SUPT3H: variants seen among roughly 807,000 people sequenced by gnomAD.
The protein encoded by SUPT3H is transcription initiation protein SPT3 homolog.
Under a neutral mutation model 44.3 loss-of-function variants are expected in SUPT3H, and 44 were observed. The observed-to-expected ratio is 0.99, with a 90% CI of 0.78 to 1.28. The LOEUF (loss-of-function observed/expected upper bound fraction) is 1.28. Among genes scored for constraint, SUPT3H ranks in the 50% most tolerant of loss-of-function variants. The probability of loss-of-function intolerance (pLI) is 0.00; values close to 1 mark genes in which losing one functional copy is unlikely to be tolerated. For synonymous variants in SUPT3H, 124 were observed against 125.6 expected (o/e 0.99, Z 0.09); for missense variants, 380 against 387.1 (o/e 0.98, Z 0.15).
chr6:45,063,688 C>A, intron 3 of SUPT3H, among the ~76,000 whole-genome samples: 1 of 40,428 alleles, frequency 2.5e-5, no homozygotes. Flanking sequence ...CTGATGTGAT[C>A]AACTGGAAGA....
rs150449516 is a variant in SUPT3H, at chr6:45,131,598, T to C, written c.102-25592A>G. Among the ~76,000 whole-genome samples, 77 of 152,324 alleles carry C rather than the reference T, an allele frequency of 5.1e-4. 1 individual carries two copies. In the East Asian group the frequency reaches 0.015, roughly 29 times the overall value. On this transcript the variant is annotated intron_variant, in intron 2 of 10. Coordinates refer to ENST00000371459, the MANE Select transcript of SUPT3H (RefSeq NM_003599.4). ...AGCCATTAAAGTCAAACTGTTACCA[T>C]ATAAGCCAAAGCCCTCTACCTTGCA...
At chr6:45,107,736 T>C (rs956340897) in intron 2 of SUPT3H, among the ~76,000 whole-genome samples, 6 of 152,154 alleles carry the variant, frequency 3.9e-5, no homozygotes, top group African/African-American at 9.7e-5. Context: ...TCAAGGACCA[T>C]AAATTCAAAA....
chr6:44,923,283 T>G (rs1324949970), intron 10 of SUPT3H, among the ~76,000 whole-genome samples: 1 of 152,114 alleles, frequency 6.6e-6, no homozygotes, highest in Non-Finnish European at 1.5e-5. Context: ...TGTCCCCCAT[T>G]AGAGAAAAGT....
At chr6:45,269,828 G>A (rs1272645099) in intron 2 of SUPT3H, among the ~76,000 whole-genome samples, 1 of 152,128 alleles carries the variant, frequency 6.6e-6, no homozygotes, top group Non-Finnish European at 1.5e-5. Context: ...CCATTCAACA[G>A]TTTTTAGTAT....
chr6:45,226,466 G>T (rs1766956197), intron 2 of SUPT3H, among the ~76,000 whole-genome samples: 2 of 152,124 alleles, frequency 1.3e-5, no homozygotes, highest in Admixed American at 1.3e-4. Context: ...GCTTTGGGAG[G>T]CCGAGGTGGG....
chr6:44,850,672 T>G (rs182094399), intron 10 of SUPT3H, among the ~76,000 whole-genome samples: 1 of 152,232 alleles, frequency 6.6e-6, no homozygotes, highest in East Asian at 1.9e-4. Context: ...TGAACTTTCT[T>G]TTTTCAATTA....
intron 2 of SUPT3H, among the ~76,000 whole-genome samples, chr6:45,251,608 G>A (rs1704258071): frequency 6.6e-6 from 1 of 152,034 alleles, no homozygotes; most frequent in Non-Finnish European, 1.5e-5. Context: ...TAAATGAAAA[G>A]ATAGGTATAA....
chr6:45,128,412 G>A (rs1228590820), intron 2 of SUPT3H, among the ~76,000 whole-genome samples: 1 of 146,968 alleles, frequency 6.8e-6, no homozygotes, highest in East Asian at 2.1e-4. Flanking sequence ...GGCTGAGGCA[G>A]GGGAATCGCT....
intron 2 of SUPT3H, among the ~76,000 whole-genome samples, chr6:45,121,655 G>T (rs1801685244): frequency 6.6e-6 from 1 of 151,840 alleles, no homozygotes; most frequent in Admixed American, 6.6e-5. Flanking sequence ...TCTACTTATA[G>T]ATTTTTTTTG....
At chr6:44,964,553 A>T (rs569289492) in intron 6 of SUPT3H, among the ~76,000 whole-genome samples, 3 of 152,316 alleles carry the variant, frequency 2.0e-5, no homozygotes, top group African/African-American at 7.2e-5. Flanking sequence ...TGCCAGCTAC[A>T]ATATTTCAAA....
intron 3 of SUPT3H, among the ~76,000 whole-genome samples, chr6:45,073,803 C>G (rs1794680429): frequency 6.6e-6 from 1 of 151,830 alleles, no homozygotes; most frequent in South Asian, 2.1e-4. Flanking sequence ...GAAAAAGGAG[C>G]TATATAAGGT....
intron 5 of SUPT3H, 52 bp downstream of exon 5, chr6:45,014,749 G>T: frequency 7.8e-7 from 1 of 1,279,884 alleles, no homozygotes; most frequent in Non-Finnish European, 1.1e-6. Context: ...GTGTTATCCA[G>T]CACACATGTG....
chr6:45,000,105 TA>T (rs1781825210), intron 6 of SUPT3H, among the ~76,000 whole-genome samples: 2 of 151,984 alleles, frequency 1.3e-5, no homozygotes, highest in African/African-American at 4.8e-5. Context: ...TACATACATG[TA>T]TTTATTATGT....
intron 3 of SUPT3H, among the ~76,000 whole-genome samples, chr6:45,063,053 G>C (rs1459888798): frequency 3.4e-5 from 5 of 147,334 alleles, no homozygotes; most frequent in Non-Finnish European, 6.0e-5. Context: ...GCAGACTTAA[G>C]TGTCCCTGTC....
chr6:45,213,293 A>G (rs933717643), intron 2 of SUPT3H, among the ~76,000 whole-genome samples: 1 of 152,212 alleles, frequency 6.6e-6, no homozygotes, highest in African/African-American at 2.4e-5. Flanking sequence ...TGAATAAAAC[A>G]TATAACAAAC....
chr6:45,373,635 C>A (rs2150319312), intron 1 of SUPT3H, among the ~76,000 whole-genome samples: 1 of 152,240 alleles, frequency 6.6e-6, no homozygotes, highest in Non-Finnish European at 1.5e-5. Flanking sequence ...ACTGCAACCT[C>A]CGCCTCCCGG....
At chr6:45,220,984 C>CA (rs1164630984) in intron 2 of SUPT3H, among the ~76,000 whole-genome samples, 1 of 152,142 alleles carries the variant, frequency 6.6e-6, no homozygotes, top group African/African-American at 2.4e-5. Context: ...AAATGTCCAT[C>CA]AATGATAGAC....
chr6:44,863,066 A>G (rs887935813), intron 10 of SUPT3H, among the ~76,000 whole-genome samples: 1 of 152,208 alleles, frequency 6.6e-6, no homozygotes, highest in African/African-American at 2.4e-5. Context: ...CTCCCCTCAA[A>G]GAACAAACCT....
At chr6:45,297,640 A>G (rs1260543129) in intron 2 of SUPT3H, among the ~76,000 whole-genome samples, 2 of 152,194 alleles carry the variant, frequency 1.3e-5, no homozygotes, top group Non-Finnish European at 2.9e-5. Flanking sequence ...GAGGCTTTTT[A>G]AAACTTAACA....
Sources: allele counts gnomAD v4.1 joint callset (sites outside exome capture counted in the v4.1 genomes callset), GRCh38; gene constraint gnomAD v4.1.1; transcripts MANE v1.5; gene names NCBI Gene and HGNC (gene_info 2026-07-23, HGNC 2026-07-21).